PXDNL: variants seen among roughly 807,000 people sequenced by gnomAD.
The protein encoded by PXDNL is peroxidasin like.
A neutral mutation model predicts 150.8 loss-of-function variants in PXDNL; 145 were observed. That is an observed-to-expected ratio of 0.96 (90% CI 0.84 to 1.10). The LOEUF is 1.10. Ranked by LOEUF, PXDNL falls within the 50% of genes least tolerant of loss-of-function variation. The pLI, the probability that PXDNL is intolerant of heterozygous loss-of-function variation, is 0.00. For missense variants in PXDNL, 2,087 were observed against 1,873.9 expected (o/e 1.11, Z -2.10); for synonymous variants, 757 against 725.7 (o/e 1.04, Z -0.69).
chr8:51,750,377 G>C (rs111941166), intron 1 of PXDNL, among the ~76,000 whole-genome samples: 9 of 152,220 alleles, frequency 5.9e-5, no homozygotes, highest in Admixed American at 3.3e-4. Context: ...CCTCCTTCTC[G>C]ATACCTTCTG....
rs2130885793 is a variant in PXDNL, at chr8:51,408,415, G to T, written c.3209C>A (p.Thr1070Asn). Residue 1070 changes from threonine (T) to asparagine (N), a missense_variant, in exon 17 of 23, where the codon ACC becomes AAC. Physicochemically the swap from Thr to Asn is moderately conservative, Grantham distance 65. Transcript: ENST00000356297. ...GTGGCCTTCGGAAATTTCACCTAAG[G>T]TGGCATTCAGTCGGTAAAGAATAGG... ...INPILYRLNA[T>N]LGEISEGHLP... 2 of 1,614,038 alleles carry T rather than the reference G, an allele frequency of 1.2e-6. No individual in the cohort carries two copies. Among genetic ancestry groups the T allele is most frequent in the African/African-American group, 2.7e-5 (2 of 75,066 alleles).
In PXDNL at chr8:51,408,660, C is replaced by G; in HGVS notation, c.2964G>C (p.Leu988=). 6.2e-7 allele frequency: 1 copy of G among 1,603,648 alleles called. No homozygotes were observed. Among genetic ancestry groups the G allele is most frequent in the Non-Finnish European group, 8.5e-7 (1 of 1,174,896 alleles). The change falls in exon 17 of 23, where the codon CTG becomes CTC. Residue 988 remains leucine, a synonymous_variant. Coordinates refer to ENST00000356297, the MANE Select transcript of PXDNL (RefSeq NM_144651.5). ...CCGTGTTTCCCTCCCAGTGGGGGTT[C>G]AGGGCGGACAGCTCCGTGGCCATCC... ...HNRMATELSA[L]NPHWEGNTVY...
chr8:51,452,935 A>AAC (rs146990384), intron 10 of PXDNL, among the ~76,000 whole-genome samples: 45 of 142,674 alleles, frequency 3.2e-4, no homozygotes, highest in African/African-American at 1.1e-3. Context: ...CACACACACA[A>AAC]ACACACACAC....
At chr8:51,320,745 T>C in intron 22 of PXDNL, 39 bp downstream of exon 22, 7 of 1,390,130 alleles carry the variant, frequency 5.0e-6, no homozygotes, top group Non-Finnish European at 5.9e-6. Context: ...TGGCTAGAAG[T>C]GAAATGGGGA....
intron 3 of PXDNL, 115 bp from the exon 4 acceptor site, chr8:51,557,026 T>C (rs1391671441): frequency 1.6e-6 from 1 of 624,414 alleles, no homozygotes; most frequent in South Asian, 2.0e-5. Flanking sequence ...GGGATGTCCA[T>C]AGATTCTCTA....
chr8:51,802,259 A>G (rs2037629203), intron 1 of PXDNL, among the ~76,000 whole-genome samples: 1 of 152,094 alleles, frequency 6.6e-6, no homozygotes, highest in South Asian at 2.1e-4. Context: ...ACTCCGATGA[A>G]GAATCACTGG....
At chr8:51,482,925 G>T (rs1292550547) in intron 6 of PXDNL, among the ~76,000 whole-genome samples, 1 of 152,134 alleles carries the variant, frequency 6.6e-6, no homozygotes, top group Non-Finnish European at 1.5e-5. Flanking sequence ...ACCTGTGTGA[G>T]TTTTCCACTA....
At chr8:51,337,619 C>T (rs1003790834) in intron 21 of PXDNL, among the ~76,000 whole-genome samples, 1 of 152,198 alleles carries the variant, frequency 6.6e-6, no homozygotes, top group Non-Finnish European at 1.5e-5. Context: ...TGGCTCAGGC[C>T]TGTAATCCCA....
chr8:51,668,724 C>T (rs546312362), intron 1 of PXDNL, among the ~76,000 whole-genome samples: 103 of 152,218 alleles, frequency 6.8e-4, no homozygotes, highest in African/African-American at 2.3e-3. Context: ...CTAAAAATTC[C>T]AATAGTATAT....
chr8:51,535,916 T>C (rs1812065036), intron 4 of PXDNL, among the ~76,000 whole-genome samples: 1 of 152,122 alleles, frequency 6.6e-6, no homozygotes, highest in Non-Finnish European at 1.5e-5. Flanking sequence ...CTGCATTCGC[T>C]CTCTTTTACT....
intron 20 of PXDNL, among the ~76,000 whole-genome samples, chr8:51,340,592 G>T (rs960007765): frequency 6.6e-6 from 1 of 152,084 alleles, no homozygotes; most frequent in African/African-American, 2.4e-5. Flanking sequence ...AAAATGGCTT[G>T]CCAGAAACAG....
At chr8:51,413,418 CAG>C (rs374582283) in intron 14 of PXDNL, among the ~76,000 whole-genome samples, 160 bp from the exon 15 acceptor site, 79 of 152,128 alleles carry the variant, frequency 5.2e-4, no homozygotes, top group African/African-American at 1.6e-3. Context: ...ATGCCCATTG[CAG>C]AGAGGTAGGT....
chr8:51,323,866 A>G (rs139081825), intron 21 of PXDNL, among the ~76,000 whole-genome samples: 6,080 of 151,874 alleles, frequency 0.04, 405 homozygotes, highest in African/African-American at 0.14. Flanking sequence ...CAGTGAGCCA[A>G]GATCATGCCA....
intron 1 of PXDNL, among the ~76,000 whole-genome samples, chr8:51,668,218 C>T (rs1035112241): frequency 8.6e-5 from 10 of 115,636 alleles, no homozygotes; most frequent in African/African-American, 3.2e-4. Context: ...CTCTGTTGCC[C>T]AGGCTGCATG....
Position 51,557,358 on chromosome 8 carries a change from C to T in PXDNL, c.309-447G>A, listed in dbSNP as rs567439914. 1.6e-3 allele frequency among the ~76,000 whole-genome samples: 247 copies of T among 152,192 alleles called. 2 individuals are homozygous for T. The highest frequency in any genetic ancestry group is 3.5e-3 in the Admixed American group (53 of 15,262). On this transcript the variant is annotated intron_variant, in intron 3 of 22. Transcript: ENST00000356297. ...AGAGATGCATAAGATGAATTTTGAT[C>T]CTCCTGTGGCTGCTGTTGAAAATCT...
chr8:51,338,979 G>A (rs1416063542), intron 21 of PXDNL, among the ~76,000 whole-genome samples: 1 of 152,206 alleles, frequency 6.6e-6, no homozygotes, highest in African/African-American at 2.4e-5. Flanking sequence ...CTGTGGAGAT[G>A]AAGCAGGCAT....
chr8:51,700,625 C>T (rs1816237884), intron 1 of PXDNL, among the ~76,000 whole-genome samples: 1 of 151,892 alleles, frequency 6.6e-6, no homozygotes. Context: ...TGTGCACACA[C>T]ATACACACAC....
At chr8:51,337,913 T>A (rs1414321144) in intron 21 of PXDNL, among the ~76,000 whole-genome samples, 1 of 139,946 alleles carries the variant, frequency 7.1e-6, no homozygotes, top group African/African-American at 2.7e-5. Context: ...GCACAGTGGC[T>A]CACACCTGTA....
intron 14 of PXDNL, among the ~76,000 whole-genome samples, chr8:51,413,548 A>G (rs10091862): frequency 0.082 from 12,499 of 152,200 alleles, 1,676 homozygotes; most frequent in African/African-American, 0.28. Context: ...TGATTCACAC[A>G]GGATCCAAGT....
Sources: allele counts gnomAD v4.1 joint callset (sites outside exome capture counted in the v4.1 genomes callset), GRCh38; gene constraint gnomAD v4.1.1; transcripts MANE v1.5; gene names NCBI Gene and HGNC (gene_info 2026-07-23, HGNC 2026-07-21).